CYP2C19: variants seen among roughly 807,000 people sequenced by gnomAD.
The protein encoded by CYP2C19 is cytochrome P450 family 2 subfamily C member 19.
A neutral mutation model predicts 40.9 loss-of-function variants in CYP2C19; 59 were observed. The observed-to-expected ratio is 1.44, with a 90% CI of 1.17 to 1.79. CYP2C19 has a LOEUF of 1.79. Ranked by LOEUF, CYP2C19 falls within the 40% of genes most tolerant of loss-of-function variation. The pLI, the probability that CYP2C19 is intolerant of heterozygous loss-of-function variation, is 0.00. For synonymous variants in CYP2C19, 253 were observed against 208.7 expected, an observed-to-expected ratio of 1.21 and a Z score of -1.83; for missense variants, 754 against 596.9, an observed-to-expected ratio of 1.26 and a Z score of -2.74.
chr10:94,780,290 A>G (rs1274271834), intron 3 of CYP2C19, among the ~76,000 whole-genome samples: 1 of 152,172 alleles, frequency 6.6e-6, no homozygotes, highest in Non-Finnish European at 1.5e-5. Context: ...AGCAACCATT[A>G]TTTAACCAGC....
At chr10:94,786,657 CA>C (rs1848544725) in intron 5 of CYP2C19, among the ~76,000 whole-genome samples, 1 of 151,980 alleles carries the variant, frequency 6.6e-6, no homozygotes, top group Non-Finnish European at 1.5e-5. Context: ...GAATAGTACC[CA>C]ATAGGTAGTT....
At chr10:94,804,789 G>A (rs903025916) in intron 5 of CYP2C19, among the ~76,000 whole-genome samples, 4 of 152,250 alleles carry the variant, frequency 2.6e-5, no homozygotes, top group African/African-American at 7.2e-5. Flanking sequence ...TTGAATTTAA[G>A]CTTACAAAGT....
chr10:94,783,570 C>A (rs1381909719), intron 5 of CYP2C19, among the ~76,000 whole-genome samples: 1 of 152,082 alleles, frequency 6.6e-6, no homozygotes, highest in Non-Finnish European at 1.5e-5. Flanking sequence ...ATTGTCTTGA[C>A]AACCTTGTCA....
At chr10:94,849,057 A>T (rs1849614021) in intron 7 of CYP2C19, among the ~76,000 whole-genome samples, 1 of 152,186 alleles carries the variant, frequency 6.6e-6, no homozygotes, top group Non-Finnish European at 1.5e-5. Flanking sequence ...TTCCTAATTG[A>T]ATGCCCTTTA....
At chr10:94,806,311 G>A (rs1198326110) in intron 5 of CYP2C19, among the ~76,000 whole-genome samples, 2 of 151,966 alleles carry the variant, frequency 1.3e-5, no homozygotes, top group Non-Finnish European at 2.9e-5. Context: ...TCTGTTGATG[G>A]GCACTTGGAT....
At chr10:94,817,678 G>A (rs1299716943) in intron 5 of CYP2C19, among the ~76,000 whole-genome samples, 1 of 151,108 alleles carries the variant, frequency 6.6e-6, no homozygotes, top group African/African-American at 2.4e-5. Context: ...GAATGGTAAT[G>A]CCTAGGTTTT....
chr10:94,839,054 G>A (rs1019500375), intron 6 of CYP2C19, among the ~76,000 whole-genome samples: 7 of 152,164 alleles, frequency 4.6e-5, no homozygotes, highest in Non-Finnish European at 8.8e-5. Context: ...ACATAGGGAA[G>A]CCAACACCCC....
chr10:94,771,356 T>C (rs982620605), intron 1 of CYP2C19, among the ~76,000 whole-genome samples: 1 of 152,136 alleles, frequency 6.6e-6, no homozygotes, highest in African/African-American at 2.4e-5. Flanking sequence ...AGTCCTCCTG[T>C]GGGATGTAAA....
In CYP2C19 at chr10:94,768,292, C is replaced by G. The variant is rs114803455; in HGVS notation, c.168+5419C>G. Reference sequence around the variant, plus strand: ...GGCTTACTTTCAAGTACAGTTACACCACTAACTTTGCCATAACCTGCCCTT... The same window carrying G: ...GGCTTACTTTCAAGTACAGTTACACGACTAACTTTGCCATAACCTGCCCTT... On this transcript the variant is annotated intron_variant, in intron 1 of 8. Transcript: ENST00000371321. Among the ~76,000 whole-genome samples the G allele has an allele frequency of 4.7e-3, 710 of 152,284 alleles. 3 individuals carry two copies. The highest frequency in any genetic ancestry group is 0.017 in the African/African-American group (687 of 41,568).
At chr10:94,782,593 A>G (rs1038052475) in intron 5 of CYP2C19, among the ~76,000 whole-genome samples, 10 of 152,314 alleles carry the variant, frequency 6.6e-5, no homozygotes, top group Non-Finnish European at 1.0e-4. Flanking sequence ...CATTTGACCC[A>G]GCAATCCAAT....
Position 94,781,862 on chromosome 10 carries a change from A to T in CYP2C19, c.684A>T (p.Gly228=). 1.4e-6 allele frequency: 2 copies of T among 1,480,154 alleles called. No individual in the cohort carries two copies. Among genetic ancestry groups the T allele is most frequent in the East Asian group, 5.4e-5 (2 of 37,052 alleles). The allele number at this position is 1,480,154 out of a possible 1,614,324, so 91.7% of individuals were successfully genotyped here. A position where few individuals can be genotyped will look rare whatever the true frequency, so the allele number is the denominator to read the frequency against. ...CCACTATCATTGATTATTTCCCGGG[A>T]ACCCATAACAAATTACTTAAAAACC... ...NFPTIIDYFP[G]THNKLLKNLA... The change falls in exon 5 of 9, where the codon GGA becomes GGT. Residue 228 remains glycine (G), a synonymous_variant. Coordinates refer to ENST00000371321, the MANE Select transcript of CYP2C19 (RefSeq NM_000769.4).
chr10:94,797,418 A>G (rs573440896), intron 5 of CYP2C19, among the ~76,000 whole-genome samples: 5 of 151,812 alleles, frequency 3.3e-5, no homozygotes, highest in East Asian at 1.9e-4. Flanking sequence ...AGATTTTTGC[A>G]TCGATGTTCT....
In CYP2C19 at chr10:94,775,162, A is replaced by G; in HGVS notation, c.273A>G (p.Gly91=). The change falls in exon 2 of 9, where the codon GGA becomes GGG. Residue 91 remains glycine (G), a synonymous_variant. Transcript: ENST00000371321. ...TGAAGGAAGCCCTGATTGATCTTGG[A>G]GAGGAGTTTTCTGGAAGAGGCCATT... ...EVVKEALIDL[G]EEFSGRGHFP... 1 of 1,614,074 alleles carries G rather than the reference A, an allele frequency of 6.2e-7. No individual in the cohort carries two copies. The highest frequency in any genetic ancestry group is 1.1e-5 in the South Asian group (1 of 91,084).
chr10:94,792,580 CT>C (rs1848618994), intron 5 of CYP2C19, among the ~76,000 whole-genome samples: 1 of 152,128 alleles, frequency 6.6e-6, no homozygotes, highest in Non-Finnish European at 1.5e-5. Context: ...ATTAGCTCGT[CT>C]GTAAAGGATT....
intron 5 of CYP2C19, among the ~76,000 whole-genome samples, chr10:94,816,227 T>C (rs542757831): frequency 5.9e-5 from 9 of 151,646 alleles, no homozygotes; most frequent in Non-Finnish European, 1.3e-4. Context: ...CACTACACCA[T>C]ACAGTATTTT....
rs530526970 is a variant in CYP2C19, at chr10:94,847,999, T to C, written c.1150-1918T>C. Among the ~76,000 whole-genome samples the C allele has an allele frequency of 1.2e-4, 18 of 152,344 alleles. 1 individual carries two copies. The highest frequency in any genetic ancestry group is 1.0e-3 in the Admixed American group (16 of 15,306). On this transcript the variant is annotated intron_variant, in intron 7 of 8. Transcript: ENST00000371321. ...TTAGCCCTTCGTCAGATGAGTAGATTGCAAAAATTTTCTCCCATTCTGTAG... is the reference window on the plus strand; with the variant it reads ...TTAGCCCTTCGTCAGATGAGTAGATCGCAAAAATTTTCTCCCATTCTGTAG...
At chr10:94,843,788 C>G (rs1849529191) in intron 7 of CYP2C19, among the ~76,000 whole-genome samples, 1 of 152,016 alleles carries the variant, frequency 6.6e-6, no homozygotes, top group Non-Finnish European at 1.5e-5. Flanking sequence ...GCTAGAATTT[C>G]TAGGAGAGTG....
intron 3 of CYP2C19, among the ~76,000 whole-genome samples, chr10:94,777,208 T>G (rs967910514): frequency 6.6e-6 from 1 of 152,144 alleles, no homozygotes. Context: ...ATCAATATTG[T>G]GAAAATGGCC....
intron 6 of CYP2C19, among the ~76,000 whole-genome samples, chr10:94,822,128 T>C (rs977064073): frequency 6.6e-6 from 1 of 152,162 alleles, no homozygotes; most frequent in Non-Finnish European, 1.5e-5. Flanking sequence ...ATTTTTGTTC[T>C]TTTTTATGGC....
Sources: gnomAD v4.1 joint callset for allele counts (sites outside exome capture counted in the v4.1 genomes callset) on GRCh38, gnomAD v4.1.1 for gene constraint, MANE v1.5 for transcripts, NCBI Gene and HGNC (gene_info 2026-07-23, HGNC 2026-07-21) for gene names.